The following KBTBD12 variants were observed in gnomAD, a reference collection of about 807,000 sequenced individuals.
KBTBD12 encodes the protein kelch repeat and BTB domain containing 12, also known as kelch repeat and BTB domain-containing protein 12.
In KBTBD12, 53 loss-of-function variants were observed where a neutral mutation model predicts 58.7. The ratio of observed to expected loss-of-function variants is 0.90; its 90% confidence interval spans 0.72 to 1.14. The LOEUF (loss-of-function observed/expected upper bound fraction) is 1.14. Among genes scored for constraint, KBTBD12 ranks in the 50% most tolerant of loss-of-function variants. The pLI is 0.00. For missense variants in KBTBD12, 704 were observed against 751.3 expected, an observed-to-expected ratio of 0.94 and a Z score of 0.74; for synonymous variants, 236 against 259.8, an observed-to-expected ratio of 0.91 and a Z score of 0.88.
intron 5 of KBTBD12, among the ~76,000 whole-genome samples, chr3:127,964,583 A>T (rs1217921810): frequency 6.6e-6 from 1 of 150,668 alleles, no homozygotes; most frequent in East Asian, 2.0e-4. Context: ...TGGAGGTTGC[A>T]GTGAGCCAAG....
Position 127,950,789 on chromosome 3 carries a change from T to A in KBTBD12, c.1493-12400T>A, listed in dbSNP as rs1940185291. 3.9e-5 allele frequency among the ~76,000 whole-genome samples: 6 copies of A among 152,124 alleles called. No individual in the cohort carries two copies. In the South Asian group the frequency reaches 1.2e-3, roughly 32 times the overall value. ...ACTCAATCCTGTAATCCCAGCACTT[T>A]GGAAGGCTGAGGCAGGTGGATCACC... On this transcript the variant is annotated intron_variant, in intron 4 of 5. Transcript: ENST00000405109.
intron 4 of KBTBD12, among the ~76,000 whole-genome samples, chr3:127,951,771 G>A (rs1452009605): frequency 6.6e-6 from 1 of 152,112 alleles, no homozygotes; most frequent in African/African-American, 2.4e-5. Context: ...TTAGGACAGT[G>A]GCTCTGTAGA....
At chr3:127,977,730 C>T (rs550534558) in intron 5 of KBTBD12, among the ~76,000 whole-genome samples, 1 of 152,194 alleles carries the variant, frequency 6.6e-6, no homozygotes, top group South Asian at 2.1e-4. Flanking sequence ...GATACTAGAC[C>T]TTTGTCGATG....
chr3:127,973,725 C>T (rs992192475), intron 5 of KBTBD12, among the ~76,000 whole-genome samples: 1 of 152,106 alleles, frequency 6.6e-6, no homozygotes, highest in African/African-American at 2.4e-5. Flanking sequence ...ATGCAGAATA[C>T]ACCGGTATTC....
At chr3:127,942,705 T>A (rs1290940360) in intron 4 of KBTBD12, among the ~76,000 whole-genome samples, 1 of 146,340 alleles carries the variant, frequency 6.8e-6, no homozygotes, top group Non-Finnish European at 1.5e-5. Flanking sequence ...TATATAACTA[T>A]ATATATATAT....
chr3:127,966,201 C>CACAG (rs1940564200), intron 5 of KBTBD12, among the ~76,000 whole-genome samples: 1 of 152,172 alleles, frequency 6.6e-6, no homozygotes, highest in South Asian at 2.1e-4. Flanking sequence ...TCAGAATATG[C>CACAG]ACAGCCATAC....
intron 5 of KBTBD12, among the ~76,000 whole-genome samples, chr3:127,983,481 G>A (rs1043747161): frequency 7.9e-5 from 12 of 152,180 alleles, no homozygotes; most frequent in East Asian, 3.9e-4. Context: ...GCAACCGGGC[G>A]TGGTGGCTCA....
rs925961147 is a variant in KBTBD12 at position 127,928,006 on chromosome 3, T to C, written c.1313T>C (p.Leu438Pro). ...GCTGTAGTGACAGTGAATAATAAACTTTATGTAATTGGAGGCTGGACCCCT... is the reference window on the plus strand; with the variant it reads ...GCTGTAGTGACAGTGAATAATAAACCTTATGTAATTGGAGGCTGGACCCCT... ...CHAVVTVNNK[L>P]YVIGGWTPQM... Residue 438 changes from leucine (L) to proline (P), a missense_variant, in exon 3 of 6, where the codon CTT becomes CCT. By Grantham distance (98) the Leu-to-Pro change is moderately conservative (BLOSUM62 -3). Transcript: ENST00000405109. 1.2e-6 allele frequency: 2 copies of C among 1,613,396 alleles called. No homozygotes were observed. The highest frequency in any genetic ancestry group is 1.3e-5 in the African/African-American group (1 of 74,918).
At chr3:127,966,843 G>A (rs924070262) in intron 5 of KBTBD12, among the ~76,000 whole-genome samples, 1 of 152,096 alleles carries the variant, frequency 6.6e-6, no homozygotes, top group Non-Finnish European at 1.5e-5. Flanking sequence ...AAAATAAAAG[G>A]TTGTAAAAGT....
intron 1 of KBTBD12, among the ~76,000 whole-genome samples, chr3:127,920,203 G>C (rs13077189): frequency 0.32 from 49,117 of 152,044 alleles, 8,134 homozygotes; most frequent in Non-Finnish European, 0.36. Flanking sequence ...CCCTATGCCA[G>C]ATTCACCAAA....
At chr3:127,932,807 G>T (rs1411604217) in intron 4 of KBTBD12, among the ~76,000 whole-genome samples, 1 of 152,086 alleles carries the variant, frequency 6.6e-6, no homozygotes, top group Non-Finnish European at 1.5e-5. Flanking sequence ...TTCAGATATT[G>T]TAAATTCTGT....
At chr3:127,950,610 G>A (rs565384473) in intron 4 of KBTBD12, among the ~76,000 whole-genome samples, 14 of 152,238 alleles carry the variant, frequency 9.2e-5, no homozygotes, top group Non-Finnish European at 1.8e-4. Context: ...AGGACCCAGC[G>A]ATGAAAGATG....
chr3:127,936,624 A>T (rs957720151), intron 4 of KBTBD12, among the ~76,000 whole-genome samples: 1 of 152,168 alleles, frequency 6.6e-6, no homozygotes, highest in African/African-American at 2.4e-5. Context: ...TCAATAAGTA[A>T]ATGTGCAGGA....
intron 4 of KBTBD12, among the ~76,000 whole-genome samples, chr3:127,946,835 T>C (rs1165668264): frequency 6.6e-6 from 1 of 152,194 alleles, no homozygotes; most frequent in East Asian, 1.9e-4. Context: ...TTCCCATACT[T>C]CAGTTTGAAT....
intron 4 of KBTBD12, among the ~76,000 whole-genome samples, chr3:127,950,547 C>T (rs1940181082): frequency 6.6e-6 from 1 of 152,052 alleles, no homozygotes; most frequent in Admixed American, 6.6e-5. Flanking sequence ...TGATTTGACT[C>T]AACTAATACT....
At chr3:127,979,669 A>G (rs1365191224) in intron 5 of KBTBD12, among the ~76,000 whole-genome samples, 1 of 152,258 alleles carries the variant, frequency 6.6e-6, no homozygotes, top group African/African-American at 2.4e-5. Context: ...AGCACAGATT[A>G]CAGAACATTT....
At chr3:127,963,070 C>T in intron 4 of KBTBD12, 119 bp from the exon 5 acceptor site, 1 of 864,204 alleles carries the variant, frequency 1.2e-6, no homozygotes, top group Non-Finnish European at 1.8e-6. Context: ...TAGCACCTGG[C>T]AAGAAAGAGA....
intron 4 of KBTBD12, among the ~76,000 whole-genome samples, chr3:127,951,001 C>T (rs1335525740): frequency 3.9e-5 from 6 of 152,096 alleles, no homozygotes; most frequent in Non-Finnish European, 1.5e-5. Flanking sequence ...GCACTCTAAC[C>T]TGGGCAACGA....
At chr3:127,945,164 CTTTTTTTTTTTTTTTTTTTTTTTTTT>C (rs56216317) in intron 4 of KBTBD12, among the ~76,000 whole-genome samples, 1 of 28,780 alleles carries the variant, frequency 3.5e-5, no homozygotes, top group Non-Finnish European at 6.9e-5. Flanking sequence ...TAGTAGCTAT[CTTTTTTTTTTTTTTTTTTTTTTTTTT>C]TTTTTTTTTT....
Sources: gnomAD v4.1 joint callset for allele counts (sites outside exome capture counted in the v4.1 genomes callset) on GRCh38, gnomAD v4.1.1 for gene constraint, MANE v1.5 for transcripts, NCBI Gene and HGNC (gene_info 2026-07-23, HGNC 2026-07-21) for gene names.